FCRL4: variants seen among roughly 807,000 people sequenced by gnomAD.
FCRL4 encodes the protein Fc receptor like 4.
FCRL4 carries 43 observed loss-of-function variants against 64.1 expected under a neutral mutation model. The ratio of observed to expected loss-of-function variants is 0.67; its 90% CI spans 0.53 to 0.87. The LOEUF is 0.87. Among genes scored for constraint, FCRL4 ranks in the 40% least tolerant of loss-of-function variants. The pLI, the probability that FCRL4 is intolerant of heterozygous loss-of-function variation, is 0.00. For missense variants in FCRL4, 656 were observed against 613.5 expected, an observed-to-expected ratio of 1.07 and a Z score of -0.73; for synonymous variants, 253 against 239.8, an observed-to-expected ratio of 1.05 and a Z score of -0.51.
chr1:157,585,344 C>CTCTTCCTTTCTTTCTTTCTTTCTT (rs1553276893), intron 6 of FCRL4, among the ~76,000 whole-genome samples: 5 of 81,276 alleles, frequency 6.2e-5, no homozygotes, highest in African/African-American at 1.8e-4. Flanking sequence ...CTTTCTCTCT[C>CTCTTCCTTTCTTTCTTTCTTTCTT]TCTTTCTTTC....
intron 10 of FCRL4, among the ~76,000 whole-genome samples, chr1:157,577,695 C>T (rs192840133): frequency 1.2e-4 from 19 of 152,246 alleles, no homozygotes; most frequent in South Asian, 6.2e-4. Context: ...GAAAACAGAT[C>T]GAAAGCTCCA....
Position 157,587,490 on chromosome 1 carries a change from G to A in FCRL4, c.633C>T (p.Ser211=). The change falls in exon 5 of 12, where the codon AGC becomes AGT. Residue 211 remains serine (S), a synonymous_variant. Transcript: ENST00000271532. The part of the protein sequence containing the change: ...QPTEGNSVNL[S]CETQLPPERS... ...GCTCTGGAGGAAGCTGTGTTTCACA[G>A]CTCAGGTTTACAGAATTCCCCTCTG... 1 of 1,614,218 alleles carries A rather than the reference G, an allele frequency of 6.2e-7. No homozygotes were observed. The highest frequency in any genetic ancestry group is 8.5e-7 in the Non-Finnish European group (1 of 1,179,996).
At chr1:157,584,787 G>C (rs138523421) in intron 6 of FCRL4, among the ~76,000 whole-genome samples, 1 of 152,238 alleles carries the variant, frequency 6.6e-6, no homozygotes, top group African/African-American at 2.4e-5. Context: ...TGACTAAACT[G>C]TTCAGGTTTA....
chr1:157,587,641 A>G, intron 4 of FCRL4, 81 bp from the exon 5 acceptor site: 1 of 1,443,286 alleles, frequency 6.9e-7, no homozygotes, highest in African/African-American at 1.4e-5. Flanking sequence ...GCTCAGTCCC[A>G]GGAAACTTCA....
At position 157,585,344 on chromosome 1, in the gene FCRL4, C is replaced by CTCTTCCTT. The variant is rs1553276893; in HGVS notation, c.1135+823_1135+824insAAGGAAGA. 4.0e-3 allele frequency among the ~76,000 whole-genome samples: 323 copies of CTCTTCCTT among 81,316 alleles called. 6 individuals are homozygous for CTCTTCCTT. Among genetic ancestry groups the CTCTTCCTT allele is most frequent in the African/African-American group, 0.014 (312 of 22,776 alleles). The allele number at this position is 81,316 out of a possible 152,430, so 53.3% of individuals were successfully genotyped here. On this transcript the variant is annotated intron_variant, in intron 6 of 11. Transcript: ENST00000271532. Reference sequence around the variant, plus strand: ...CTTCCTTCTCTCTTTCTTTCTCTCTCTCTTTCTTTCTTTCTTTCTTTCTTT... The same window carrying CTCTTCCTT: ...CTTCCTTCTCTCTTTCTTTCTCTCTCTCTTCCTTTCTTTCTTTCTTTCTTTCTTTCTTT...
intron 3 of FCRL4, 72 bp from the exon 4 acceptor site, chr1:157,588,191 A>T: frequency 6.6e-7 from 1 of 1,508,284 alleles, no homozygotes; most frequent in Non-Finnish European, 8.9e-7. Flanking sequence ...TGAATTACAA[A>T]GGCTTTATTG....
At position 157,588,432 on chromosome 1, in the gene FCRL4, C is replaced by T. The variant is rs61102369; in HGVS notation, c.308-313G>A. Among the ~76,000 whole-genome samples, 957 of 152,250 alleles carry T rather than the reference C, an allele frequency of 6.3e-3. 10 individuals are homozygous for T. Among genetic ancestry groups the T allele is most frequent in the African/African-American group, 0.022 (917 of 41,540 alleles). On this transcript the variant is annotated intron_variant, in intron 3 of 11. Transcript: ENST00000271532. ...GAGTACAGCAGAACTTAACACCAAC[C>T]TGCTCACCGAGTCTCAGAGCAGGAG... is the stretch of plus-strand genomic sequence containing the variant.
chr1:157,595,131 G>T (rs1323809990), intron 2 of FCRL4, among the ~76,000 whole-genome samples: 1 of 152,078 alleles, frequency 6.6e-6, no homozygotes, highest in Non-Finnish European at 1.5e-5. Flanking sequence ...AGCTCCTGAC[G>T]TCAAGTGATC....
chr1:157,591,680 A>G (rs1452945157), intron 2 of FCRL4, among the ~76,000 whole-genome samples: 1 of 152,204 alleles, frequency 6.6e-6, no homozygotes, highest in African/African-American at 2.4e-5. Context: ...CTAACCCTAC[A>G]TGAAAGTAGG....
At position 157,574,819 on chromosome 1, in the gene FCRL4, T is replaced by C. The variant is rs1166273626; in HGVS notation, c.*705A>G. On this transcript the variant is annotated 3_prime_UTR_variant, in exon 12 of 12. Transcript: ENST00000271532. ...GTTGGTACTTAAGTTTTTAATTTTA[T>C]ATTTGTGTCTCTTTTCTCTAATGTT... 9.6e-6 allele frequency: 2 copies of C among 208,798 alleles called. No individual in the cohort carries two copies. Among genetic ancestry groups the C allele is most frequent in the African/African-American group, 4.5e-5 (2 of 43,978 alleles). 12.9% of individuals were successfully genotyped at this position (208,798 alleles called of 1,614,324 possible).
Position 157,575,438 on chromosome 1 carries a change from A to C in FCRL4, c.*86T>G. ...AAAGCTGGAATGAGTTGATCATTCC[A>C]GGGGCCGCAAGGACTGCACTGGGCC... On this transcript the variant is annotated 3_prime_UTR_variant, in exon 12 of 12. Transcript: ENST00000271532. 2 of 921,018 alleles carry C rather than the reference A, an allele frequency of 2.2e-6. No homozygotes were observed. Among genetic ancestry groups the C allele is most frequent in the East Asian group, 2.5e-5 (1 of 39,350 alleles). 57.1% of individuals were successfully genotyped at this position (921,018 alleles called of 1,614,324 possible). A position where few individuals can be genotyped will look rare whatever the true frequency, so the allele number is the denominator to read the frequency against.
At chr1:157,587,796 C>A in intron 4 of FCRL4, 69 bp downstream of exon 4, 2 of 1,451,668 alleles carry the variant, frequency 1.4e-6, no homozygotes, top group Admixed American at 3.9e-5. Context: ...CCCGTAAATT[C>A]TTTCCTTACA....
intron 6 of FCRL4, among the ~76,000 whole-genome samples, chr1:157,581,937 C>A (rs190834661): frequency 3.9e-5 from 6 of 152,148 alleles, no homozygotes; most frequent in African/African-American, 1.4e-4. Context: ...CTGCAAATTG[C>A]CCCCAGACAC....
chr1:157,594,335 G>A (rs908330710), intron 2 of FCRL4, among the ~76,000 whole-genome samples: 3 of 152,210 alleles, frequency 2.0e-5, no homozygotes, highest in Non-Finnish European at 4.4e-5. Flanking sequence ...TGAAAGAAGA[G>A]ATGCACACTG....
rs1652476539 is a variant in FCRL4, at chr1:157,578,767, C to T, written c.1360+3G>A. 1.2e-6 allele frequency: 2 copies of T among 1,613,554 alleles called. No individual in the cohort carries two copies. Among genetic ancestry groups the T allele is most frequent in the African/African-American group, 1.3e-5 (1 of 74,906 alleles). The stretch of plus-strand genomic sequence containing the variant: ...GAACAGCTTCCTAGAAGGGAATCCT[C>T]ACCATCAACATACAACGACTGAAGC... On this transcript the variant is annotated splice_donor_region_variant and intron_variant, in intron 9 of 11. Coordinates refer to ENST00000271532, the MANE Select transcript of FCRL4 (RefSeq NM_031282.3).
intron 6 of FCRL4, among the ~76,000 whole-genome samples, chr1:157,584,902 A>T (rs897562449): frequency 1.6e-5 from 2 of 126,878 alleles, no homozygotes; most frequent in Non-Finnish European, 3.5e-5. Flanking sequence ...CTGGAAAGAA[A>T]ACTTTAAAAA....
chr1:157,589,099 C>A (rs184993440), intron 3 of FCRL4, 105 bp downstream of exon 3: 3 of 1,260,952 alleles, frequency 2.4e-6, no homozygotes, highest in African/African-American at 1.5e-5. Context: ...GAGCTGGGAT[C>A]GAGGGTTAGA....
intron 10 of FCRL4, among the ~76,000 whole-genome samples, chr1:157,576,871 C>T (rs909163022): frequency 6.6e-6 from 1 of 152,192 alleles, no homozygotes; most frequent in Admixed American, 6.5e-5. Context: ...TAGCTTTGTC[C>T]TTTACTGGCT....
chr1:157,582,994 CT>C (rs1652596586), intron 6 of FCRL4, among the ~76,000 whole-genome samples: 1 of 152,192 alleles, frequency 6.6e-6, no homozygotes, highest in Non-Finnish European at 1.5e-5. Context: ...CCTGGTAACC[CT>C]ATTTCCTAAA....
Sources: gnomAD v4.1 joint callset for allele counts (sites outside exome capture counted in the v4.1 genomes callset) on GRCh38, gnomAD v4.1.1 for gene constraint, MANE v1.5 for transcripts, NCBI Gene and HGNC (gene_info 2026-07-23, HGNC 2026-07-21) for gene names.